KMT2C: variants seen among roughly 807,000 people sequenced by gnomAD.
KMT2C encodes the protein histone-lysine N-methyltransferase 2C.
Under a neutral mutation model 507.9 loss-of-function variants are expected in KMT2C, and 88 were observed. The ratio of observed to expected loss-of-function variants is 0.17; its 90% CI spans 0.15 to 0.21. KMT2C has a LOEUF of 0.21. Ranked by LOEUF, KMT2C falls within the 10% of genes least tolerant of loss-of-function variation. KMT2C has a pLI of 1.00. For missense variants in KMT2C, 4,954 were observed against 5,957.8 expected, an observed-to-expected ratio of 0.83 and a Z score of 5.55; for synonymous variants, 2,049 against 2,080.8, an observed-to-expected ratio of 0.98 and a Z score of 0.42.
rs2129092665 is a variant in KMT2C, at chr7:152,144,723, G to A, written c.14333C>T (p.Ser4778Phe). The A allele has an allele frequency of 6.2e-7, 1 of 1,613,670 alleles. No individual in the cohort carries two copies. Among genetic ancestry groups the A allele is most frequent in the East Asian group, 2.2e-5 (1 of 44,878 alleles). ...EWKSNVYLAR[S>F]RIQGLGLYAA... ...AAAGTATTTCTTCACCTGAATCCGA[G>A]ACCGTGCCAGATACACATTGGATTT... The change falls in exon 55 of 59, where the codon TCT becomes TTT. Residue 4778 changes from serine (S) to phenylalanine (F), a missense_variant. Physicochemically the swap from Ser to Phe is radical, Grantham distance 155. Transcript: ENST00000262189. This position sits in a 1 kb window ranked among gnomAD's most constrained non-coding sequence, Gnocchi z 4.4.
chr7:152,259,877 A>G (rs562283940), intron 9 of KMT2C, among the ~76,000 whole-genome samples: 1 of 152,352 alleles, frequency 6.6e-6, no homozygotes, highest in Non-Finnish European at 1.5e-5. Context: ...TGAGCAAATT[A>G]TGACTCAAGA....
At chr7:152,172,527 C>G (rs1351367131) in intron 39 of KMT2C, among the ~76,000 whole-genome samples, 1 of 152,104 alleles carries the variant, frequency 6.6e-6, no homozygotes, top group Non-Finnish European at 1.5e-5. Flanking sequence ...GAAACCCTGT[C>G]TCTACCAAAA....
In KMT2C at chr7:152,193,990, T is replaced by G; in HGVS notation, c.4660+19A>C. On this transcript the variant is annotated intron_variant, in intron 31 of 58. Coordinates refer to ENST00000262189, the MANE Select transcript of KMT2C (RefSeq NM_170606.3). ...ACATGTGTGTGAATATAATGTAGAATTATAAAGTCATAACATACCCTGATT... is the reference window on the plus strand; with the variant it reads ...ACATGTGTGTGAATATAATGTAGAAGTATAAAGTCATAACATACCCTGATT... 1 of 1,516,010 alleles carries G rather than the reference T, an allele frequency of 6.6e-7. No homozygotes were observed. Among genetic ancestry groups the G allele is most frequent in the South Asian group, 1.4e-5 (1 of 72,896 alleles). 93.9% of individuals were successfully genotyped at this position (1,516,010 alleles called of 1,614,324 possible).
Position 152,148,825 on chromosome 7 carries a change from T to G in KMT2C, c.13102A>C (p.Lys4368Gln). The G allele has an allele frequency of 1.1e-5, 18 of 1,614,230 alleles. No homozygotes were observed. Among genetic ancestry groups the G allele is most frequent in the Non-Finnish European group, 1.5e-5 (18 of 1,180,026 alleles). ...KKWSIHIVIP[K>Q]GTFKPPCEDE... ...TCACAAGGTGGTTTAAATGTCCCCT[T>G]AGGGATTACAATATGAATGCTCCAC... Residue 4368 changes from lysine to glutamine, a missense_variant, in exon 52 of 59, where the codon AAG (lysine) becomes CAG (glutamine). Physicochemically the swap from Lys to Gln is moderately conservative, Grantham distance 53. Around this residue, in one of 29 missense-constraint regions of KMT2C, gnomAD observed 417 missense variants for 461.1 expected, o/e 0.90. Coordinates refer to ENST00000262189, the MANE Select transcript of KMT2C (RefSeq NM_170606.3). This position sits in a 1 kb window ranked among gnomAD's most constrained non-coding sequence, Gnocchi z 7.1.
At chr7:152,368,452 A>C in intron 1 of KMT2C, 25 of 1,205,242 alleles carry the variant, frequency 2.1e-5, no homozygotes, top group Non-Finnish European at 3.0e-5. Context: ...GGTCAAATAA[A>C]AAGTTCAAAA....
At chr7:152,151,640 T>C (rs2091628443) in intron 49 of KMT2C, 59 bp from the exon 50 acceptor site, 26 of 1,481,082 alleles carry the variant, frequency 1.8e-5, no homozygotes, top group Non-Finnish European at 2.3e-5. Flanking sequence ...AGGTGGCACA[T>C]GGTGAAAAAT....
intron 15 of KMT2C, among the ~76,000 whole-genome samples, 154 bp downstream of exon 15, chr7:152,238,553 G>A (rs1301689238): frequency 6.6e-6 from 1 of 152,258 alleles, no homozygotes; most frequent in Non-Finnish European, 1.5e-5. Context: ...ATTTTTAAAT[G>A]CAAGCATATT....
intron 27 of KMT2C, among the ~76,000 whole-genome samples, chr7:152,198,522 G>C (rs1380849289): frequency 1.3e-5 from 2 of 152,148 alleles, no homozygotes; most frequent in Non-Finnish European, 2.9e-5. Context: ...CAGAACCATA[G>C]GGGAGAAGTG....
intron 42 of KMT2C, 67 bp from the exon 43 acceptor site, chr7:152,163,893 G>A: frequency 2.0e-6 from 3 of 1,473,542 alleles, no homozygotes; most frequent in Non-Finnish European, 2.8e-6. Context: ...AACACTGGCT[G>A]ATGACTGTGG....
Position 152,207,719 on chromosome 7 carries a change from T to C in KMT2C, c.3713-291A>G, listed in dbSNP as rs527742957. Among the ~76,000 whole-genome samples the C allele has an allele frequency of 2.5e-4, 38 of 152,308 alleles. 1 individual carries two copies. Among genetic ancestry groups the C allele is most frequent in the Non-Finnish European group, 4.7e-4 (32 of 68,004 alleles). On this transcript the variant is annotated intron_variant, in intron 23 of 58. Coordinates refer to ENST00000262189, the MANE Select transcript of KMT2C (RefSeq NM_170606.3). ...TAACAAATTCACTTGCTTTTAATTA[T>C]GTCTTCAGGTCCAGGTCTCTAGACT...
chr7:152,280,923 C>A (rs2096197413), intron 6 of KMT2C, among the ~76,000 whole-genome samples: 1 of 151,914 alleles, frequency 6.6e-6, no homozygotes, highest in African/African-American at 2.4e-5. Flanking sequence ...ATATTTTAAA[C>A]TCTGGCTTGG....
chr7:152,219,959 T>C (rs1465055646), intron 23 of KMT2C: 1 of 152,700 alleles, frequency 6.5e-6, no homozygotes, highest in African/African-American at 2.4e-5. Flanking sequence ...GCCAAGATCG[T>C]GTCACTGCAC....
At chr7:152,365,339 T>A (rs2129237542) in intron 1 of KMT2C, among the ~76,000 whole-genome samples, 1 of 152,236 alleles carries the variant, frequency 6.6e-6, no homozygotes, top group East Asian at 1.9e-4. Context: ...TGAAACCCTG[T>A]CTCTGCTAAA....
chr7:152,182,058 C>T lies in KMT2C; in HGVS notation c.5802G>A (p.Arg1934=), dbSNP rs17559399. 3.3e-5 allele frequency: 54 copies of T among 1,614,080 alleles called. No individual in the cohort carries two copies. The highest frequency in any genetic ancestry group is 4.5e-5 in the Non-Finnish European group (53 of 1,180,018). ...CTGTTGTCTCATTCATTTGAAGGGGCCTAGATACCGATGATAAAGGTGTAC... is the reference window on the plus strand; with the variant it reads ...CTGTTGTCTCATTCATTTGAAGGGGTCTAGATACCGATGATAAAGGTGTAC... ...ENCTPLSSVS[R]PLQMNETTAN... Residue 1934 remains arginine (R), a synonymous_variant, in exon 36 of 59, where the codon AGG becomes AGA. Transcript: ENST00000262189.
chr7:152,143,797 G>C (rs1037191957), intron 55 of KMT2C, among the ~76,000 whole-genome samples: 1 of 152,116 alleles, frequency 6.6e-6, no homozygotes, highest in African/African-American at 2.4e-5. Flanking sequence ...AGGAGTAAAA[G>C]GGTTCCAACA....
chr7:152,277,836 G>A (rs1490354798), intron 6 of KMT2C, among the ~76,000 whole-genome samples: 3 of 152,068 alleles, frequency 2.0e-5, no homozygotes, highest in African/African-American at 7.2e-5. Context: ...TGTCTGTTAA[G>A]CTAACATTCA....
At chr7:152,425,305 G>A (rs2097805132) in intron 1 of KMT2C, among the ~76,000 whole-genome samples, 1 of 152,180 alleles carries the variant, frequency 6.6e-6, no homozygotes, top group African/African-American at 2.4e-5. Context: ...GCCAGGCACA[G>A]TGGCTCACAC....
chr7:152,162,932 C>T lies in KMT2C; in HGVS notation c.10645G>A (p.Val3549Met). 3.1e-6 allele frequency: 5 copies of T among 1,614,146 alleles called. No individual in the cohort carries two copies. The highest frequency in any genetic ancestry group is 4.2e-6 in the Non-Finnish European group (5 of 1,180,028). ...AAAGCAGGTGTAAAAGAAGGCCTCA[C>T]TGGGGACTGCTGGAAGCTGGTCCCA... ...LSGTSFQQSP[V>M]RPSFTPALPA... is the part of the protein sequence containing the mutation. The change falls in exon 43 of 59, where the codon GTG (valine) becomes ATG (methionine). Residue 3549 changes from valine (V) to methionine (M), a missense_variant. By Grantham distance (21) the Val-to-Met change is conservative (BLOSUM62 1). Transcript: ENST00000262189.
chr7:152,152,125 AGAG>A (rs1202654767), intron 49 of KMT2C, among the ~76,000 whole-genome samples: 2 of 152,220 alleles, frequency 1.3e-5, no homozygotes, highest in Non-Finnish European at 2.9e-5. Context: ...CTAGAAGCCA[AGAG>A]GAGGAAGCCA....
Sources: gnomAD v4.1 joint callset for allele counts (sites outside exome capture counted in the v4.1 genomes callset) on GRCh38, gnomAD v4.1.1 for gene constraint, gnomAD v4.1.1 regional missense constraint, Gnocchi (gnomAD v3.1) non-coding constraint, MANE v1.5 for transcripts, NCBI Gene and HGNC (gene_info 2026-07-23, HGNC 2026-07-21) for gene names.